The following GRM7 variants were observed in gnomAD, a reference collection of about 807,000 sequenced individuals.
The protein encoded by GRM7 is metabotropic glutamate receptor 7.
Under a neutral mutation model 84.5 loss-of-function variants are expected in GRM7, and 35 were observed. The ratio of observed to expected loss-of-function variants is 0.41; its 90% CI spans 0.32 to 0.55. GRM7 has a LOEUF of 0.55. Among genes scored for constraint, GRM7 ranks in the 20% least tolerant of loss-of-function variants. The pLI is 0.19. For missense variants in GRM7, 1,003 were observed against 1,194.6 expected (o/e 0.84, Z 2.36); for synonymous variants, 487 against 455.1 (o/e 1.07, Z -0.89).
chr3:7,279,565 A>G (rs1221679709), intron 2 of GRM7, among the ~76,000 whole-genome samples: 1 of 152,172 alleles, frequency 6.6e-6, no homozygotes, highest in African/African-American at 2.4e-5. Flanking sequence ...TCCATGAGTA[A>G]GCAGAGGAAG....
chr3:6,968,377 G>A (rs187465289), intron 1 of GRM7, among the ~76,000 whole-genome samples: 3 of 152,184 alleles, frequency 2.0e-5, no homozygotes, highest in Admixed American at 1.3e-4. Context: ...TGTAAGGACC[G>A]TATTCCTAAG....
At chr3:7,306,272 A>G (rs1001435413) in intron 3 of GRM7, among the ~76,000 whole-genome samples, 4 of 152,018 alleles carry the variant, frequency 2.6e-5, no homozygotes, top group African/African-American at 4.8e-5. Context: ...TTATCTTTTT[A>G]TCTTTTAACA....
intron 9 of GRM7, among the ~76,000 whole-genome samples, chr3:7,721,401 A>C (rs1053660405): frequency 6.6e-6 from 1 of 152,222 alleles, no homozygotes; most frequent in Non-Finnish European, 1.5e-5. Flanking sequence ...AACCTGGGCC[A>C]TATGGGCTCA....
chr3:6,997,135 T>G (rs1408670993), intron 1 of GRM7, among the ~76,000 whole-genome samples: 1 of 152,170 alleles, frequency 6.6e-6, no homozygotes, highest in Non-Finnish European at 1.5e-5. Flanking sequence ...CATAGCTCAT[T>G]TGGCCTCTTA....
At chr3:6,886,589 T>A (rs1289788287) in intron 1 of GRM7, among the ~76,000 whole-genome samples, 1 of 152,156 alleles carries the variant, frequency 6.6e-6, no homozygotes, top group Non-Finnish European at 1.5e-5. Flanking sequence ...TTCTGGTCCA[T>A]TGTTTATGCT....
intron 2 of GRM7, among the ~76,000 whole-genome samples, chr3:7,160,501 T>C (rs1322193209): frequency 2.0e-5 from 3 of 152,138 alleles, no homozygotes; most frequent in South Asian, 4.1e-4. Flanking sequence ...CTCTCTCTGG[T>C]CCTGCTGGAT....
chr3:7,691,255 T>C lies in GRM7; in HGVS notation c.2698+10960T>C, dbSNP rs187782902. 4.0e-4 allele frequency: 521 copies of C among 1,288,096 alleles called. No homozygotes were observed. The African/African-American group carries it at 6.5e-3, about 16-fold the overall frequency. The allele number at this position is 1,288,096 out of a possible 1,614,324, so 79.8% of individuals were successfully genotyped here. ...TTGCACAAAGAGGATTGAGATAACATTTCCAAAGCTTGTTCTTCTTGAGCT... is the reference window on the plus strand; with the variant it reads ...TTGCACAAAGAGGATTGAGATAACACTTCCAAAGCTTGTTCTTCTTGAGCT... On this transcript the variant is annotated intron_variant, in intron 9 of 9. Coordinates refer to ENST00000357716, the MANE Select transcript of GRM7 (RefSeq NM_000844.4).
intron 4 of GRM7, among the ~76,000 whole-genome samples, chr3:7,336,312 C>CA (rs1209909420): frequency 3.4e-4 from 51 of 149,426 alleles, no homozygotes; most frequent in African/African-American, 9.5e-4. Flanking sequence ...ATCTCAATTG[C>CA]AAAAAAAAAG....
chr3:7,012,149 T>C (rs960409749), intron 1 of GRM7, among the ~76,000 whole-genome samples: 1 of 152,098 alleles, frequency 6.6e-6, no homozygotes, highest in Non-Finnish European at 1.5e-5. Context: ...AGAGATCAAA[T>C]GGATTGAGTG....
At chr3:7,179,006 T>A (rs906929910) in intron 2 of GRM7, among the ~76,000 whole-genome samples, 4 of 152,044 alleles carry the variant, frequency 2.6e-5, no homozygotes, top group African/African-American at 4.8e-5. Context: ...CTCGGGAGGC[T>A]GAGGCAGAAG....
chr3:7,725,764 G>C (rs1016689497), intron 9 of GRM7, among the ~76,000 whole-genome samples: 1 of 152,158 alleles, frequency 6.6e-6, no homozygotes, highest in Non-Finnish European at 1.5e-5. Flanking sequence ...CCTGGCTGGG[G>C]CTGTCCACTT....
intron 7 of GRM7, among the ~76,000 whole-genome samples, chr3:7,568,671 C>T (rs944115066): frequency 2.4e-4 from 36 of 152,168 alleles, no homozygotes; most frequent in Admixed American, 3.9e-4. Context: ...GGTGTGGGCT[C>T]GGCGGCCCAG....
chr3:7,326,191 C>A (rs1414076951), intron 4 of GRM7, among the ~76,000 whole-genome samples: 4 of 149,772 alleles, frequency 2.7e-5, no homozygotes, highest in African/African-American at 4.9e-5. Context: ...GAAAAAAAAA[C>A]ACATTATTTT....
At chr3:7,006,050 C>T (rs1695173402) in intron 1 of GRM7, among the ~76,000 whole-genome samples, 1 of 152,068 alleles carries the variant, frequency 6.6e-6, no homozygotes, top group Non-Finnish European at 1.5e-5. Flanking sequence ...AAATGGGATG[C>T]TGTAATCAAA....
intron 7 of GRM7, among the ~76,000 whole-genome samples, chr3:7,508,476 C>T (rs1455873082): frequency 6.6e-6 from 1 of 152,008 alleles, no homozygotes; most frequent in Non-Finnish European, 1.5e-5. Context: ...CACATGCACA[C>T]ACATATGAAT....
intron 1 of GRM7, among the ~76,000 whole-genome samples, chr3:7,059,779 C>A (rs1011825659): frequency 4.0e-5 from 6 of 151,662 alleles, no homozygotes; most frequent in Admixed American, 2.0e-4. Flanking sequence ...TTACCTAACC[C>A]CTTCTGCCAT....
chr3:7,041,035 G>A (rs184516159), intron 1 of GRM7, among the ~76,000 whole-genome samples: 19 of 149,442 alleles, frequency 1.3e-4, no homozygotes, highest in African/African-American at 3.2e-4. Context: ...AGCCATGATC[G>A]TGCCACTGCA....
chr3:7,301,229 C>T (rs1699989829), intron 3 of GRM7, among the ~76,000 whole-genome samples: 1 of 152,076 alleles, frequency 6.6e-6, no homozygotes, highest in African/African-American at 2.4e-5. Flanking sequence ...TCAAGCATTC[C>T]CTTCTCCAGT....
chr3:7,119,110 C>T (rs1292369194), intron 1 of GRM7, among the ~76,000 whole-genome samples: 1 of 151,802 alleles, frequency 6.6e-6, no homozygotes, highest in Non-Finnish European at 1.5e-5. Context: ...TACATTTTAC[C>T]CCTTTTTAGA....
Sources: allele counts gnomAD v4.1 joint callset (sites outside exome capture counted in the v4.1 genomes callset), GRCh38; gene constraint gnomAD v4.1.1; transcripts MANE v1.5; gene names NCBI Gene and HGNC (gene_info 2026-07-23, HGNC 2026-07-21).